PTCSC3: variants seen among roughly 807,000 people sequenced by gnomAD.
PTCSC3 encodes the protein papillary thyroid carcinoma susceptibility candidate 3 (non-protein coding).
rs75290052 is a variant in PTCSC3 at position 36,175,022 on chromosome 14, C to T, written n.171+1276G>A. Among the ~76,000 whole-genome samples the T allele has an allele frequency of 3.3e-3, 510 of 152,258 alleles. 19 individuals are homozygous for T. In the South Asian group the frequency reaches 0.054, roughly 16 times the overall value. On this transcript the variant is annotated intron_variant and non_coding_transcript_variant, in intron 1 of 3. Transcript: ENST00000556013. ...AAAGCTCGGGTCGCCTCACACTGCA[C>T]ATGTACAATCCAACTCTCAGTCACT...
rs576428967 is a variant in PTCSC3, at chr14:36,139,296, A to G, written n.323-2940T>C. ...TAAGACCAAACTGCTGATATGTGAAAGAACACGGATAAGCTCCAAAAACAT... is the reference window on the plus strand; with the variant it reads ...TAAGACCAAACTGCTGATATGTGAAGGAACACGGATAAGCTCCAAAAACAT... On this transcript the variant is annotated intron_variant and non_coding_transcript_variant, in intron 3 of 3. Coordinates refer to ENST00000556013, the Ensembl canonical transcript of PTCSC3. Among the ~76,000 whole-genome samples the G allele has an allele frequency of 9.8e-5, 15 of 152,328 alleles. No homozygotes were observed. In the South Asian group the frequency reaches 3.1e-3, roughly 32 times the overall value.
At chr14:36,167,148 T>G (rs1297034118) in intron 1 of PTCSC3, among the ~76,000 whole-genome samples, 3 of 152,226 alleles carry the variant, frequency 2.0e-5, no homozygotes, top group African/African-American at 7.2e-5. Flanking sequence ...AACCCAGCAA[T>G]AGTGAGTGCA....
chr14:36,159,304 G>T (rs1468098317), intron 2 of PTCSC3, among the ~76,000 whole-genome samples: 3 of 151,122 alleles, frequency 2.0e-5, no homozygotes, highest in Non-Finnish European at 4.4e-5. Flanking sequence ...GAATTTGTTT[G>T]CTTTTGCTTC....
chr14:36,135,899 A>ATGTG (rs139313919), downstream of PTCSC3, among the ~76,000 whole-genome samples: 2,337 of 149,426 alleles, frequency 0.016, 29 homozygotes, highest in South Asian at 0.031. Flanking sequence ...GTATATATAT[A>ATGTG]TGTGTGTGTG....
chr14:36,163,787 G>T (rs1045603799), intron 1 of PTCSC3, among the ~76,000 whole-genome samples: 3 of 152,138 alleles, frequency 2.0e-5, no homozygotes, highest in African/African-American at 7.2e-5. Context: ...AACAGAAAAT[G>T]ATATCTTTAT....
intron 3 of PTCSC3, among the ~76,000 whole-genome samples, chr14:36,148,850 C>T (rs1303841171): frequency 6.6e-6 from 1 of 152,022 alleles, no homozygotes; most frequent in Non-Finnish European, 1.5e-5. Context: ...TTTTATTGGC[C>T]ATGGGGTCAG....
chr14:36,158,678 C>T (rs1266456433), intron 2 of PTCSC3, among the ~76,000 whole-genome samples: 1 of 152,194 alleles, frequency 6.6e-6, no homozygotes, highest in Non-Finnish European at 1.5e-5. Context: ...AGGATTTTCA[C>T]ATCAATATTC....
intron 2 of PTCSC3, among the ~76,000 whole-genome samples, chr14:36,157,662 T>C (rs1881859123): frequency 6.6e-6 from 1 of 152,164 alleles, no homozygotes; most frequent in Non-Finnish European, 1.5e-5. Context: ...CTTTCCCCAT[T>C]GCTTGTTTTG....
At chr14:36,158,628 T>TG (rs1220329224) in intron 2 of PTCSC3, among the ~76,000 whole-genome samples, 1 of 152,176 alleles carries the variant, frequency 6.6e-6, no homozygotes, top group Non-Finnish European at 1.5e-5. Context: ...GGAAAAGCTT[T>TG]TTGATGTGCT....
chr14:36,153,375 C>T (rs996576290), intron 3 of PTCSC3, among the ~76,000 whole-genome samples: 8 of 152,150 alleles, frequency 5.3e-5, no homozygotes, highest in Admixed American at 1.3e-4. Context: ...AAACATTAGC[C>T]GTGAGGGAAT....
chr14:36,146,833 C>A (rs948280439), intron 3 of PTCSC3, among the ~76,000 whole-genome samples: 22 of 152,164 alleles, frequency 1.4e-4, no homozygotes, highest in African/African-American at 5.3e-4. Context: ...GTGCTTCCTT[C>A]AGGAGCTCTT....
At chr14:36,144,139 C>T (rs1405898170) in intron 3 of PTCSC3, among the ~76,000 whole-genome samples, 4 of 152,090 alleles carry the variant, frequency 2.6e-5, no homozygotes, top group East Asian at 1.9e-4. Context: ...CTTGGTAATG[C>T]GGGCTCTTTT....
At chr14:36,162,258 G>GAAAAAAAAAAAAAAAAAAAAA (rs58223160) in intron 2 of PTCSC3, among the ~76,000 whole-genome samples, 2 of 106,554 alleles carry the variant, frequency 1.9e-5, no homozygotes, top group African/African-American at 9.6e-5. Flanking sequence ...CTGGGGTATG[G>GAAAAAAAAAAAAAAAAAAAAA]AAAAAAAAAA....
chr14:36,165,552 A>C (rs1200374765), intron 1 of PTCSC3, among the ~76,000 whole-genome samples: 1 of 152,008 alleles, frequency 6.6e-6, no homozygotes, highest in Non-Finnish European at 1.5e-5. Context: ...TAAAAAAAAA[A>C]AGCAGTTAAA....
chr14:36,157,570 A>G (rs1346297456), intron 2 of PTCSC3, among the ~76,000 whole-genome samples: 1 of 151,932 alleles, frequency 6.6e-6, no homozygotes, highest in Non-Finnish European at 1.5e-5. Context: ...TTTTTTGTAT[A>G]AGGTGTAAGG....
intron 1 of PTCSC3, among the ~76,000 whole-genome samples, chr14:36,166,281 TAA>T (rs1392922972): frequency 1.3e-5 from 2 of 152,226 alleles, no homozygotes; most frequent in African/African-American, 4.8e-5. Flanking sequence ...GATGACTTTT[TAA>T]TAAAATACGC....
At chr14:36,172,936 AACTT>A (rs1381645251) in intron 1 of PTCSC3, among the ~76,000 whole-genome samples, 2 of 150,912 alleles carry the variant, frequency 1.3e-5, no homozygotes, top group East Asian at 3.9e-4. Context: ...AAAAACTTAA[AACTT>A]GCTTTGTTTT....
At chr14:36,174,058 C>T (rs1360188190) in intron 1 of PTCSC3, among the ~76,000 whole-genome samples, 1 of 151,876 alleles carries the variant, frequency 6.6e-6, no homozygotes, top group African/African-American at 2.4e-5. Context: ...TCTAACGTGC[C>T]TAGGTGCAGA....
At chr14:36,156,577 G>C (rs2139102174) in intron 2 of PTCSC3, among the ~76,000 whole-genome samples, 1 of 151,952 alleles carries the variant, frequency 6.6e-6, no homozygotes, top group Non-Finnish European at 1.5e-5. Context: ...CCAACCCCTT[G>C]ACGGGCCCCA....
Sources: gnomAD v4.1 joint callset for allele counts (sites outside exome capture counted in the v4.1 genomes callset) on GRCh38, gnomAD v4.1.1 for gene constraint, MANE v1.5 for transcripts, NCBI Gene and HGNC (gene_info 2026-07-23, HGNC 2026-07-21) for gene names.